The following MYT1L variants were observed in gnomAD, a reference collection of about 807,000 sequenced individuals.
The protein encoded by MYT1L is myelin transcription factor 1 like.
A neutral mutation model predicts 126.7 loss-of-function variants in MYT1L; 12 were observed. That is an observed-to-expected ratio of 0.09 (90% CI 0.06 to 0.15). The LOEUF is 0.15. MYT1L is among the 10% of genes least tolerant of loss of function. The pLI, the probability that MYT1L is intolerant of heterozygous loss-of-function variation, is 1.00. For synonymous variants in MYT1L, 541 were observed against 604.2 expected (o/e 0.90, Z 1.53); for missense variants, 979 against 1,585.2 (o/e 0.62, Z 6.49).
chr2:2,184,077 CAGAG>C (rs145871494), intron 2 of MYT1L, among the ~76,000 whole-genome samples: 75 of 145,686 alleles, frequency 5.1e-4, no homozygotes, highest in Middle Eastern at 8.8e-3. Flanking sequence ...GAGAGAGAAA[CAGAG>C]AGAGGGAGGG....
chr2:1,863,154 C>T (rs2044939393), intron 18 of MYT1L, among the ~76,000 whole-genome samples: 1 of 152,144 alleles, frequency 6.6e-6, no homozygotes, highest in African/African-American at 2.4e-5. Context: ...AAAACAGGGC[C>T]TGCTTCCTTG....
At chr2:1,863,877 C>T (rs2045075821) in intron 18 of MYT1L, among the ~76,000 whole-genome samples, 2 of 152,142 alleles carry the variant, frequency 1.3e-5, no homozygotes, top group Non-Finnish European at 2.9e-5. Flanking sequence ...TCATAAATGT[C>T]TTGGGACTCC....
intron 14 of MYT1L, among the ~76,000 whole-genome samples, chr2:1,897,946 T>C (rs1482665414): frequency 6.6e-6 from 1 of 152,180 alleles, no homozygotes; most frequent in East Asian, 1.9e-4. Context: ...AAATACCTCT[T>C]CAACTATTCC....
intron 23 of MYT1L, among the ~76,000 whole-genome samples, chr2:1,800,599 C>A (rs762576015): frequency 6.6e-5 from 10 of 152,178 alleles, no homozygotes; most frequent in Non-Finnish European, 1.5e-4. Context: ...AAAACTGTGT[C>A]CAGTGGGTAG....
At chr2:1,869,107 C>A (rs753406283) in intron 18 of MYT1L, among the ~76,000 whole-genome samples, 3 of 152,238 alleles carry the variant, frequency 2.0e-5, no homozygotes, top group Non-Finnish European at 2.9e-5. Context: ...CCTCACCGGT[C>A]CATGCACAGT....
At position 2,228,046 on chromosome 2, in the gene MYT1L, TCA is replaced by T. The variant is rs2094058614; in HGVS notation, c.-420-55060_-420-55059del. 2.0e-5 allele frequency among the ~76,000 whole-genome samples: 3 copies of T among 152,192 alleles called. No homozygotes were observed. Among genetic ancestry groups the T allele is most frequent in the African/African-American group, 7.2e-5 (3 of 41,460 alleles). The stretch of plus-strand genomic sequence containing the variant: ...ACTAAATTGCCCAATGTCAAGTAGC[TCA>T]TAACGGCTAGTAAATGCCTAGGGTT... On this transcript the variant is annotated intron_variant, in intron 2 of 24. Transcript: ENST00000647738. The surrounding 1 kb of genome is among the most constrained non-coding windows in gnomAD (Gnocchi z 5.9).
intron 8 of MYT1L, among the ~76,000 whole-genome samples, chr2:1,949,798 G>A (rs1487793902): frequency 6.6e-6 from 1 of 152,156 alleles, no homozygotes; most frequent in African/African-American, 2.4e-5. Context: ...GCGGGGCTCG[G>A]AACGTCAGGG....
At chr2:1,862,803 C>T (rs981526377) in intron 18 of MYT1L, among the ~76,000 whole-genome samples, 1 of 152,006 alleles carries the variant, frequency 6.6e-6, no homozygotes. Context: ...GAATCAGTGA[C>T]GTGTGTTCCC....
At chr2:1,972,829 G>A (rs538998712) in intron 8 of MYT1L, among the ~76,000 whole-genome samples, 18 of 152,342 alleles carry the variant, frequency 1.2e-4, no homozygotes, top group African/African-American at 4.3e-4. Flanking sequence ...ATGTTCTAAT[G>A]AAAAGGAAAA....
intron 19 of MYT1L, among the ~76,000 whole-genome samples, chr2:1,845,587 G>A (rs1436208106): frequency 6.6e-6 from 1 of 152,000 alleles, no homozygotes; most frequent in Non-Finnish European, 1.5e-5. Context: ...CCCCATTGCT[G>A]CTCTCCTCAC....
In MYT1L at chr2:1,817,264, C is replaced by A. The variant is rs141127222; in HGVS notation, c.3081-8097G>T. 4.7e-3 allele frequency among the ~76,000 whole-genome samples: 714 copies of A among 152,318 alleles called. 5 individuals carry two copies. Among genetic ancestry groups the A allele is most frequent in the African/African-American group, 0.017 (686 of 41,570 alleles). ...GGGAGAGAACCACCCAGAGGACCGA[C>A]GGCTCCAGGAAGCAGAGGCCACCGG... On this transcript the variant is annotated intron_variant, in intron 21 of 24. Transcript: ENST00000647738.
rs1359474822 is a variant in MYT1L, at chr2:1,912,202, C to T, written c.1619-92G>A. The T allele has an allele frequency of 3.2e-5, 27 of 854,838 alleles. No individual in the cohort carries two copies. The highest frequency in any genetic ancestry group is 4.7e-4 in the Middle Eastern group (2 of 4,224). The allele number at this position is 854,838 out of a possible 1,614,324, so 53.0% of individuals were successfully genotyped here. The stretch of plus-strand genomic sequence containing the variant: ...TGCAGTCATTTAACAAAGGCCAGGT[C>T]GCTCATGATAGACAGTCCTACAAAC... On this transcript the variant is annotated intron_variant, in intron 11 of 24. Coordinates refer to ENST00000647738, the MANE Select transcript of MYT1L (RefSeq NM_001303052.2). The surrounding 1 kb of genome is among the most constrained non-coding windows in gnomAD (Gnocchi z 4.3).
intron 5 of MYT1L, among the ~76,000 whole-genome samples, chr2:1,988,163 C>A (rs1256405251): frequency 6.6e-6 from 1 of 152,162 alleles, no homozygotes; most frequent in Non-Finnish European, 1.5e-5. Context: ...ACATTCCCAC[C>A]CTCCCGCCAG....
At chr2:2,101,336 A>G (rs1323022705) in intron 3 of MYT1L, among the ~76,000 whole-genome samples, 5 of 152,120 alleles carry the variant, frequency 3.3e-5, no homozygotes, top group Non-Finnish European at 7.3e-5. Context: ...TGCCATTCAC[A>G]TGACTGTATG....
intron 18 of MYT1L, among the ~76,000 whole-genome samples, chr2:1,853,465 T>TAAATA (rs2148549068): frequency 2.2e-5 from 1 of 46,272 alleles, no homozygotes; most frequent in Admixed American, 4.2e-4. Flanking sequence ...GTCTAAAAAA[T>TAAATA]AAATGACTGA....
At chr2:2,171,332 T>C (rs576115590) in intron 3 of MYT1L, among the ~76,000 whole-genome samples, 10 of 152,338 alleles carry the variant, frequency 6.6e-5, no homozygotes, top group African/African-American at 1.9e-4. Flanking sequence ...CTGGGTGAGA[T>C]TTGTATTTGA....
At chr2:2,048,420 T>C (rs1016039099) in intron 4 of MYT1L, among the ~76,000 whole-genome samples, 1 of 152,140 alleles carries the variant, frequency 6.6e-6, no homozygotes, top group Non-Finnish European at 1.5e-5. Context: ...CATTCAAGCT[T>C]AGAAATTCTC....
intron 2 of MYT1L, among the ~76,000 whole-genome samples, chr2:2,189,579 T>A (rs962492678): frequency 6.6e-6 from 1 of 152,252 alleles, no homozygotes; most frequent in African/African-American, 2.4e-5. Context: ...TACTGGGTTT[T>A]AAAAATATTT....
intron 3 of MYT1L, among the ~76,000 whole-genome samples, chr2:2,075,679 A>G (rs866086197): frequency 4.6e-5 from 7 of 152,246 alleles, no homozygotes; most frequent in Non-Finnish European, 1.5e-5. Flanking sequence ...GCTGAAATAT[A>G]TTATGAATTA....
Sources: allele counts gnomAD v4.1 joint callset (sites outside exome capture counted in the v4.1 genomes callset), GRCh38; gene constraint gnomAD v4.1.1; non-coding constraint Gnocchi (gnomAD v3.1); transcripts MANE v1.5; gene names NCBI Gene and HGNC (gene_info 2026-07-23, HGNC 2026-07-21).